The following WNK3 variants were observed in gnomAD, a reference collection of about 807,000 sequenced individuals.
WNK3 encodes WNK lysine deficient protein kinase 3.
WNK3 carries 18 observed loss-of-function variants against 116.7 expected under a neutral mutation model. The observed-to-expected ratio is 0.15, with a 90% CI of 0.11 to 0.23. The LOEUF is 0.23. WNK3 is among the 10% of genes least tolerant of loss of function. WNK3 has a pLI of 1.00. For synonymous variants in WNK3, 404 were observed against 469.4 expected (o/e 0.86, Z 1.80); for missense variants, 993 against 1,323.8 (o/e 0.75, Z 3.88).
chrX:54,212,617 T>C (rs782166619), intron 22 of WNK3, among the ~76,000 whole-genome samples: 2 of 112,489 alleles, frequency 1.8e-5, no homozygotes, highest in Non-Finnish European at 3.7e-5. Flanking sequence ...TATTTTACTT[T>C]ATAAAAGTAT....
intron 17 of WNK3, among the ~76,000 whole-genome samples, chrX:54,239,796 T>C: frequency 8.9e-6 from 1 of 111,791 alleles, no homozygotes; most frequent in African/African-American, 3.2e-5. Context: ...AACTGTTGTA[T>C]CTAAATGAGT....
intron 17 of WNK3, among the ~76,000 whole-genome samples, chrX:54,240,164 C>T (rs1455747417): frequency 7.2e-5 from 8 of 110,425 alleles, no homozygotes; most frequent in Non-Finnish European, 1.5e-4. Flanking sequence ...ATCAGCCTGT[C>T]GTGGTGGTGC....
At chrX:54,233,714 C>T (rs1183698548) in intron 20 of WNK3, among the ~76,000 whole-genome samples, 2 of 108,869 alleles carry the variant, frequency 1.8e-5, no homozygotes, top group African/African-American at 6.7e-5. Context: ...GTGGCTCATG[C>T]CTGTAATCCC....
intron 1 of WNK3, among the ~76,000 whole-genome samples, chrX:54,351,495 G>A (rs782131602): frequency 1.8e-5 from 2 of 111,443 alleles, no homozygotes; most frequent in African/African-American, 6.5e-5. Context: ...AAAAGGCCAG[G>A]TGCGGTGGCT....
At chrX:54,341,237 A>G (rs782361917) in intron 1 of WNK3, among the ~76,000 whole-genome samples, 2 of 110,461 alleles carry the variant, frequency 1.8e-5, no homozygotes, top group Non-Finnish European at 3.8e-5. Context: ...TCTCTACTAA[A>G]AATACAAAAA....
At chrX:54,293,161 T>C in exon 9 of WNK3, 1 of 1,208,577 alleles carries the variant, frequency 8.3e-7, no homozygotes, top group Non-Finnish European at 1.1e-6. Flanking sequence ...AATGTCCTAC[T>C]AGTTGCTGAG....
chrX:54,254,031 T>C (rs2146948592), exon 13 of WNK3: 2 of 1,208,973 alleles, frequency 1.7e-6, no homozygotes, highest in Non-Finnish European at 2.2e-6. Context: ...TGTTGTTGTG[T>C]GTCTCCAGCT....
At chrX:54,315,722 T>C (rs2147193565) in intron 2 of WNK3, among the ~76,000 whole-genome samples, 2 of 111,959 alleles carry the variant, frequency 1.8e-5, no homozygotes, top group African/African-American at 6.5e-5. Flanking sequence ...TTCTTTTTGA[T>C]TATCGAGACT....
At chrX:54,352,552 C>T (rs1557178682) in intron 1 of WNK3, among the ~76,000 whole-genome samples, 2 of 111,046 alleles carry the variant, frequency 1.8e-5, no homozygotes, top group African/African-American at 6.5e-5. Flanking sequence ...TGGTGACACA[C>T]ACCTATAGTC....
exon 18 of WNK3, chrX:54,238,936 T>C: frequency 8.3e-7 from 1 of 1,207,514 alleles, no homozygotes; most frequent in Non-Finnish European, 1.1e-6. Flanking sequence ...GCTTTTTAAT[T>C]TGCGAGTCCA....
chrX:54,258,594 A>G (rs1423657946), intron 11 of WNK3, among the ~76,000 whole-genome samples: 5 of 110,184 alleles, frequency 4.5e-5, no homozygotes, highest in African/African-American at 9.9e-5. Flanking sequence ...TCAGCCTCCC[A>G]AAGTGCTAGG....
At chrX:54,233,487 GGGAA>G (rs781783142) in intron 20 of WNK3, among the ~76,000 whole-genome samples, 1,194 of 102,602 alleles carry the variant, frequency 0.012, 22 homozygotes, top group African/African-American at 0.041. Context: ...GAGGGAGGGA[GGGAA>G]GGAAGGAAGG....
intron 10 of WNK3, among the ~76,000 whole-genome samples, chrX:54,266,030 C>A (rs1310886668): frequency 4.5e-5 from 5 of 111,577 alleles, no homozygotes; most frequent in African/African-American, 1.6e-4. Flanking sequence ...TAGACCAGCA[C>A]GACAATGGTG....
rs1313416020 is a variant in WNK3, at chrX:54,229,390, C to T, written c.4841-647G>A. Among the ~76,000 whole-genome samples, 26 of 108,797 alleles carry T rather than the reference C, an allele frequency of 2.4e-4. No individual in the cohort carries two copies. The Admixed American group carries it at 2.4e-3, about 10-fold the overall frequency. 94.5% of individuals were successfully genotyped at this position (108,797 alleles called of 115,157 possible). ...GACAAAAAAAAGGAGAGATAGCCTACGTTTATTGATTGGAAGACTCAGCAC... is the reference window on the plus strand; with the variant it reads ...GACAAAAAAAAGGAGAGATAGCCTATGTTTATTGATTGGAAGACTCAGCAC... On this transcript the variant is annotated intron_variant, in intron 21 of 23. Transcript: ENST00000354646.
chrX:54,265,488 A>G (rs1483920355), intron 10 of WNK3, among the ~76,000 whole-genome samples: 1 of 110,793 alleles, frequency 9.0e-6, no homozygotes, highest in East Asian at 2.9e-4. Context: ...CTCCGTCTGA[A>G]AAAAAAGAGG....
At chrX:54,271,172 AT>A (rs1421565028) in intron 10 of WNK3, among the ~76,000 whole-genome samples, 2 of 112,406 alleles carry the variant, frequency 1.8e-5, no homozygotes, top group African/African-American at 6.4e-5. Context: ...AATTAAAAAA[AT>A]ATATATACCA....
At chrX:54,215,727 C>G (rs955269250) in intron 22 of WNK3, among the ~76,000 whole-genome samples, 1 of 110,653 alleles carries the variant, frequency 9.0e-6, no homozygotes, top group African/African-American at 3.3e-5. Flanking sequence ...GCCCCGCCGC[C>G]CTGTCTGGGA....
chrX:54,354,245 A>C (rs200395627), intron 1 of WNK3, among the ~76,000 whole-genome samples: 1 of 112,012 alleles, frequency 8.9e-6, no homozygotes, highest in Non-Finnish European at 1.9e-5. Context: ...AAGCTTTAAA[A>C]TTTCTGAATG....
intron 10 of WNK3, among the ~76,000 whole-genome samples, chrX:54,275,415 ATGTGTGTGTG>A (rs782672834): frequency 1.9e-3 from 125 of 64,422 alleles, no homozygotes; most frequent in East Asian, 2.5e-3. Context: ...ATAAGTTCAT[ATGTGTGTGTG>A]TGTGTGTGTG....
Sources: allele counts gnomAD v4.1 joint callset (sites outside exome capture counted in the v4.1 genomes callset), GRCh38; gene constraint gnomAD v4.1.1; transcripts MANE v1.5; gene names NCBI Gene and HGNC (gene_info 2026-07-23, HGNC 2026-07-21).